Variants in NRXN1 observed in about 807,000 individuals in gnomAD.
NRXN1 encodes neurexin 1.
NRXN1 carries 39 observed loss-of-function variants against 150.9 expected under a neutral mutation model. That is an observed-to-expected ratio of 0.26 (90% confidence interval 0.20 to 0.34). The LOEUF (loss-of-function observed/expected upper bound fraction) is 0.34, where lower values mean the gene tolerates loss of function less well. NRXN1 is among the 10% of genes least tolerant of loss of function. NRXN1 has a pLI of 1.00. For missense variants in NRXN1, 1,815 were observed against 1,949.9 expected (o/e 0.93, Z 1.30); for synonymous variants, 924 against 757.0 (o/e 1.22, Z -3.62).
chr2:50,585,052 T>C (rs1672871805), intron 8 of NRXN1, among the ~76,000 whole-genome samples: 1 of 152,138 alleles, frequency 6.6e-6, no homozygotes, highest in South Asian at 2.1e-4. Context: ...AGAATAAATT[T>C]ACATACCTCA....
At chr2:50,862,471 T>C (rs11691202) in intron 5 of NRXN1, among the ~76,000 whole-genome samples, 58,420 of 151,804 alleles carry the variant, frequency 0.38, 12,077 homozygotes, top group Non-Finnish European at 0.47. Flanking sequence ...GGTACATGGA[T>C]ACATTTCTTT....
chr2:50,974,059 C>T (rs1217773930), intron 2 of NRXN1, among the ~76,000 whole-genome samples: 5 of 152,040 alleles, frequency 3.3e-5, no homozygotes, highest in Non-Finnish European at 7.4e-5. Context: ...CTGAGAAGTG[C>T]GTTCTACTCT....
intron 17 of NRXN1, among the ~76,000 whole-genome samples, chr2:50,282,137 C>T (rs1016449292): frequency 2.4e-4 from 36 of 152,114 alleles, no homozygotes; most frequent in African/African-American, 6.8e-4. Context: ...TGGAGCACTA[C>T]GTCAGAAGTA....
rs184381387 is a variant in NRXN1 at position 50,886,446 on chromosome 2, T to A, written c.832+35423A>T. On this transcript the variant is annotated intron_variant, in intron 5 of 22. Coordinates refer to ENST00000401669, the MANE Select transcript of NRXN1 (RefSeq NM_001330078.2). ...TTGTGGTTTCTATTCAAATTAATATTTCTAATTTTAAAAAAGGAAATTTGC... is the reference window on the plus strand; with the variant it reads ...TTGTGGTTTCTATTCAAATTAATATATCTAATTTTAAAAAAGGAAATTTGC... 1.5e-4 allele frequency among the ~76,000 whole-genome samples: 23 copies of A among 151,536 alleles called. No individual in the cohort carries two copies. In the East Asian group the frequency reaches 4.5e-3, roughly 29 times the overall value.
At chr2:50,830,613 C>G (rs1267628231) in intron 5 of NRXN1, among the ~76,000 whole-genome samples, 1 of 151,450 alleles carries the variant, frequency 6.6e-6, no homozygotes, top group Non-Finnish European at 1.5e-5. Context: ...GGATCACTTT[C>G]ATCATTCTCT....
At chr2:50,825,827 A>C (rs753824308) in intron 5 of NRXN1, among the ~76,000 whole-genome samples, 1 of 152,200 alleles carries the variant, frequency 6.6e-6, no homozygotes, top group Non-Finnish European at 1.5e-5. Context: ...TAAGGGATCT[A>C]ACACTTTCTG....
rs140275199 is a variant in NRXN1 at position 49,936,526 on chromosome 2, C to A, written c.4216+7178G>T. On this transcript the variant is annotated intron_variant, in intron 22 of 22. Coordinates refer to ENST00000401669, the MANE Select transcript of NRXN1 (RefSeq NM_001330078.2). ...ATCTCATAATTAACCGTATTCTCCC[C>A]ATTTTACAGACTAGGAAACTGAGCA... Among the ~76,000 whole-genome samples the A allele has an allele frequency of 3.7e-3, 564 of 152,236 alleles. 13 individuals carry two copies. The highest frequency in any genetic ancestry group is 0.031 in the Admixed American group (475 of 15,294).
chr2:50,344,721 G>A (rs939307139), intron 17 of NRXN1, among the ~76,000 whole-genome samples: 1 of 152,164 alleles, frequency 6.6e-6, no homozygotes, highest in Non-Finnish European at 1.5e-5. Context: ...GGAAAAAGGA[G>A]TGCCCCACTC....
chr2:50,377,446 C>T (rs1405613460), intron 17 of NRXN1, among the ~76,000 whole-genome samples: 1 of 152,152 alleles, frequency 6.6e-6, no homozygotes, highest in East Asian at 1.9e-4. Context: ...CTTTTTATGG[C>T]TGCATAGTAT....
intron 17 of NRXN1, among the ~76,000 whole-genome samples, chr2:50,290,902 G>A (rs188803749): frequency 3.4e-4 from 51 of 152,234 alleles, no homozygotes; most frequent in Non-Finnish European, 5.6e-4. Context: ...CGTCAAATGC[G>A]ACTGGCAAAG....
Position 50,918,847 on chromosome 2 carries a change from A to T in NRXN1, c.832+3022T>A, listed in dbSNP as rs563046962. ...CATTGACAAATTTCAAGCCCCAAAA[A>T]AATGTGATCCAAATTTCATGAAGAC... On this transcript the variant is annotated intron_variant, in intron 5 of 22. Transcript: ENST00000401669. The T allele has an allele frequency of 2.6e-5, 6 of 230,186 alleles. No homozygotes were observed. In the East Asian group the frequency reaches 4.7e-4, roughly 18 times the overall value. The allele number at this position is 230,186 out of a possible 1,614,324, so 14.3% of individuals were successfully genotyped here. A position where few individuals can be genotyped will look rare whatever the true frequency, so the allele number is the denominator to read the frequency against.
At chr2:50,428,932 G>T (rs1255060950) in intron 17 of NRXN1, among the ~76,000 whole-genome samples, 1 of 152,076 alleles carries the variant, frequency 6.6e-6, no homozygotes, top group East Asian at 1.9e-4. Context: ...ACAGTATATT[G>T]CTTGTCTGAA....
intron 5 of NRXN1, among the ~76,000 whole-genome samples, chr2:50,795,203 T>G (rs1706631516): frequency 6.6e-6 from 1 of 152,130 alleles, no homozygotes; most frequent in African/African-American, 2.4e-5. Context: ...AGATAAGATT[T>G]ACCTGGAGGG....
At chr2:50,471,609 C>T (rs1489843520) in intron 16 of NRXN1, among the ~76,000 whole-genome samples, 2 of 151,758 alleles carry the variant, frequency 1.3e-5, no homozygotes, top group Non-Finnish European at 1.5e-5. Flanking sequence ...CTCTCACTAT[C>T]CTTCACAAAC....
chr2:50,228,731 C>A (rs7584237), intron 18 of NRXN1, among the ~76,000 whole-genome samples: 6 of 151,910 alleles, frequency 3.9e-5, no homozygotes, highest in Non-Finnish European at 8.8e-5. Context: ...CTGTCAATCA[C>A]GAATTTCCAT....
intron 21 of NRXN1, among the ~76,000 whole-genome samples, chr2:49,964,283 C>T (rs1676524640): frequency 6.6e-6 from 1 of 152,128 alleles, no homozygotes; most frequent in South Asian, 2.1e-4. Flanking sequence ...ATAATCACTA[C>T]ATCTTCCATA....
intron 8 of NRXN1, among the ~76,000 whole-genome samples, chr2:50,581,027 A>T (rs1285914506): frequency 6.6e-6 from 1 of 152,186 alleles, no homozygotes; most frequent in Non-Finnish European, 1.5e-5. Context: ...TTGGAGGACA[A>T]TATACTATGC....
chr2:50,169,062 G>T (rs2059857632), intron 18 of NRXN1, among the ~76,000 whole-genome samples: 1 of 152,098 alleles, frequency 6.6e-6, no homozygotes, highest in African/African-American at 2.4e-5. Context: ...CATAATAATA[G>T]CTCATATTGA....
At chr2:50,226,285 T>C (rs551413614) in intron 18 of NRXN1, among the ~76,000 whole-genome samples, 46 of 152,142 alleles carry the variant, frequency 3.0e-4, no homozygotes, top group African/African-American at 1.1e-3. Flanking sequence ...ACTTGTAGAC[T>C]GCTTCATAGT....
Sources: gnomAD v4.1 joint callset for allele counts (sites outside exome capture counted in the v4.1 genomes callset) on GRCh38, gnomAD v4.1.1 for gene constraint, MANE v1.5 for transcripts, NCBI Gene and HGNC (gene_info 2026-07-23, HGNC 2026-07-21) for gene names.